CNNM1: variants seen among roughly 807,000 people sequenced by gnomAD.
CNNM1 encodes metal transporter CNNM1.
Under a neutral mutation model 78.8 loss-of-function variants are expected in CNNM1, and 44 were observed. That is an observed-to-expected ratio of 0.56 (90% CI 0.44 to 0.72). The LOEUF (loss-of-function observed/expected upper bound fraction) is 0.72, where lower values mean the gene tolerates loss of function less well. Among genes scored for constraint, CNNM1 ranks in the 30% least tolerant of loss-of-function variants. The probability of loss-of-function intolerance (pLI) is 0.00; values close to 1 mark genes in which losing one functional copy is unlikely to be tolerated. For missense variants in CNNM1, 1,101 were observed against 1,292.2 expected, an observed-to-expected ratio of 0.85 and a Z score of 2.27; for synonymous variants, 584 against 581.5, an observed-to-expected ratio of 1.00 and a Z score of -0.06.
At chr10:99,350,669 T>G (rs2030911095) in intron 1 of CNNM1, among the ~76,000 whole-genome samples, 1 of 152,182 alleles carries the variant, frequency 6.6e-6, no homozygotes, top group South Asian at 2.1e-4. Flanking sequence ...GGGGTATATG[T>G]GCAGGATGTG....
At chr10:99,359,161 A>T (rs1417314025) in intron 2 of CNNM1, among the ~76,000 whole-genome samples, 5 of 141,912 alleles carry the variant, frequency 3.5e-5, no homozygotes, top group Non-Finnish European at 6.2e-5. Flanking sequence ...CTTCCAACAC[A>T]CACTATTGAA....
intron 3 of CNNM1, 123 bp from the exon 4 acceptor site, chr10:99,362,104 G>C: frequency 1.1e-6 from 1 of 874,606 alleles, no homozygotes; most frequent in Non-Finnish European, 1.7e-6. Flanking sequence ...CTGCCAACCT[G>C]ATGCCCAGGT....
intron 5 of CNNM1, 95 bp downstream of exon 5, chr10:99,364,611 A>T: frequency 9.8e-7 from 1 of 1,015,576 alleles, no homozygotes; most frequent in Non-Finnish European, 1.5e-6. Context: ...GACTCTTGTT[A>T]ATCAGCCTGG....
intron 9 of CNNM1, 66 bp downstream of exon 9, chr10:99,388,367 C>T (rs1046805954): frequency 5.2e-6 from 8 of 1,547,468 alleles, no homozygotes; most frequent in Middle Eastern, 2.1e-4. Context: ...TGGGATGGCC[C>T]AGGGAAAGCT....
In CNNM1 at chr10:99,329,600, C is replaced by G; in HGVS notation, c.213C>G (p.Leu71=). 6.6e-7 allele frequency: 1 copy of G among 1,519,044 alleles called. No individual in the cohort carries two copies. The highest frequency in any genetic ancestry group is 8.8e-7 in the Non-Finnish European group (1 of 1,142,612). 94.1% of individuals were successfully genotyped at this position (1,519,044 alleles called of 1,614,324 possible). Reference sequence around the variant, plus strand: ...GCGCCGCCGAAGGCACCAGCTTCCTCCTGCGTGTCTATTTCCAGCCAGGAC... The same window carrying G: ...GCGCCGCCGAAGGCACCAGCTTCCTGCTGCGTGTCTATTTCCAGCCAGGAC... ...TLRAAEGTSF[L]LRVYFQPGPP... is the part of the protein sequence containing the mutation. The change falls in exon 1 of 11, where the codon CTC becomes CTG. Residue 71 remains leucine (L), a synonymous_variant. Coordinates refer to ENST00000356713, the MANE Select transcript of CNNM1 (RefSeq NM_020348.3).
chr10:99,331,027 C>T (rs1299021180), intron 1 of CNNM1, 67 bp downstream of exon 1: 16 of 1,464,528 alleles, frequency 1.1e-5, no homozygotes, highest in Non-Finnish European at 1.5e-5. Flanking sequence ...TTCCTAACCA[C>T]GTGAGGCTCT....
chr10:99,340,876 T>TCTTTCCTTCCTGCCTGCCTG (rs760325301), intron 1 of CNNM1, among the ~76,000 whole-genome samples: 1 of 138,156 alleles, frequency 7.2e-6, no homozygotes, highest in African/African-American at 3.0e-5. Flanking sequence ...CTTCCTTCCT[T>TCTTTCCTTCCTGCCTGCCTG]CCTGCCTGCC....
chr10:99,379,411 T>C lies in CNNM1; in HGVS notation c.2340+2193T>C, dbSNP rs144353355. Reference sequence around the variant, plus strand: ...GCAAGGAGACTGCTCTTGAAATGGTTATCAGACAGGCCGAGAAAGGACATT... The same window carrying C: ...GCAAGGAGACTGCTCTTGAAATGGTCATCAGACAGGCCGAGAAAGGACATT... On this transcript the variant is annotated intron_variant, in intron 7 of 10. Transcript: ENST00000356713. Among the ~76,000 whole-genome samples the C allele has an allele frequency of 3.2e-4, 49 of 152,292 alleles. 1 individual carries two copies. The highest frequency in any genetic ancestry group is 1.1e-3 in the African/African-American group (47 of 41,564).
At position 99,356,522 on chromosome 10, in the gene CNNM1, G is replaced by GAGAA. The variant is rs1379845702; in HGVS notation, c.1574-974_1574-971dup. Among the ~76,000 whole-genome samples the GAGAA allele has an allele frequency of 9.6e-3, 1,224 of 127,076 alleles. 37 individuals carry two copies. Among genetic ancestry groups the GAGAA allele is most frequent in the African/African-American group, 0.033 (1,070 of 32,108 alleles). 83.4% of individuals were successfully genotyped at this position (127,076 alleles called of 152,430 possible). A position where few individuals can be genotyped will look rare whatever the true frequency, so the allele number is the denominator to read the frequency against. ...AGAGAGAGAGAGAGAAAGAGAAAGA[G>GAGAA]AGAAAGAAAGAAAGAAAGACAGACA... On this transcript the variant is annotated intron_variant, in intron 1 of 10. Coordinates refer to ENST00000356713, the MANE Select transcript of CNNM1 (RefSeq NM_020348.3).
At chr10:99,344,945 C>T (rs1185206180) in intron 1 of CNNM1, among the ~76,000 whole-genome samples, 1 of 152,148 alleles carries the variant, frequency 6.6e-6, no homozygotes, top group Non-Finnish European at 1.5e-5. Context: ...AGCCTCCAGG[C>T]ATTTACAGAG....
intron 1 of CNNM1, among the ~76,000 whole-genome samples, chr10:99,356,522 G>A (rs11190069): frequency 0.017 from 2,113 of 126,928 alleles, 75 homozygotes; most frequent in African/African-American, 0.056. Context: ...AAGAGAAAGA[G>A]AGAAAGAAAG....
At chr10:99,364,317 C>A in intron 4 of CNNM1, 100 bp from the exon 5 acceptor site, 1 of 822,846 alleles carries the variant, frequency 1.2e-6, no homozygotes, top group Non-Finnish European at 1.9e-6. Flanking sequence ...TGGGTCTAGT[C>A]CACTTGTTAT....
chr10:99,375,406 G>A (rs1228465685), intron 6 of CNNM1, among the ~76,000 whole-genome samples: 1 of 152,212 alleles, frequency 6.6e-6, no homozygotes, highest in Admixed American at 6.5e-5. Flanking sequence ...AAGGCTGCAT[G>A]TGGGGCTGAG....
At chr10:99,376,555 C>A (rs569054873) in intron 6 of CNNM1, among the ~76,000 whole-genome samples, 48 of 152,260 alleles carry the variant, frequency 3.2e-4, no homozygotes, top group Admixed American at 5.9e-4. Flanking sequence ...AAACCCAAGG[C>A]CTTGGCCTTT....
At chr10:99,375,149 G>C (rs2031923856) in intron 6 of CNNM1, among the ~76,000 whole-genome samples, 1 of 152,168 alleles carries the variant, frequency 6.6e-6, no homozygotes, top group Non-Finnish European at 1.5e-5. Context: ...AGCAAGAGAG[G>C]GGAAAGGAGG....
intron 1 of CNNM1, among the ~76,000 whole-genome samples, chr10:99,347,796 C>T (rs959627637): frequency 6.6e-6 from 1 of 152,054 alleles, no homozygotes; most frequent in Non-Finnish European, 1.5e-5. Context: ...GTTACACTCC[C>T]AATGCATGAC....
In CNNM1 at chr10:99,393,440, GTA is replaced by G. The variant is rs1396524281; in HGVS notation, c.*1926_*1927del. 1.3e-5 allele frequency: 2 copies of G among 152,448 alleles called. No homozygotes were observed. The highest frequency in any genetic ancestry group is 4.8e-5 in the African/African-American group (2 of 41,426). The allele number at this position is 152,448 out of a possible 1,614,324, so 9.4% of individuals were successfully genotyped here. On this transcript the variant is annotated 3_prime_UTR_variant, in exon 11 of 11. Coordinates refer to ENST00000356713, the MANE Select transcript of CNNM1 (RefSeq NM_020348.3). ...GTCAGTATTTAATGTATTTATTCTTGTATGTTTTTTCCAGAGCATTAAAGCTT... is the reference window on the plus strand; with the variant it reads ...GTCAGTATTTAATGTATTTATTCTTGTGTTTTTTCCAGAGCATTAAAGCTT...
chr10:99,391,838 CTCT>C lies in CNNM1; in HGVS notation c.*327_*329del. The stretch of plus-strand genomic sequence containing the variant: ...CAATGCCACTCTGGGACCCCTGATG[CTCT>C]TCTTTGTTCTTTGGGTCCCCTGATG... On this transcript the variant is annotated 3_prime_UTR_variant, in exon 11 of 11. Coordinates refer to ENST00000356713, the MANE Select transcript of CNNM1 (RefSeq NM_020348.3). The C allele has an allele frequency of 3.8e-6, 1 of 266,018 alleles. No homozygotes were observed. The highest frequency in any genetic ancestry group is 7.2e-6 in the Non-Finnish European group (1 of 139,012). The allele number at this position is 266,018 out of a possible 1,614,324, so 16.5% of individuals were successfully genotyped here. A position where few individuals can be genotyped will look rare whatever the true frequency, so the allele number is the denominator to read the frequency against.
intron 1 of CNNM1, among the ~76,000 whole-genome samples, chr10:99,341,693 A>G (rs572406724): frequency 3.2e-4 from 48 of 152,294 alleles, no homozygotes; most frequent in Non-Finnish European, 5.4e-4. Context: ...GCAGAGAGGG[A>G]GCCGACACTG....
Sources: allele counts gnomAD v4.1 joint callset (sites outside exome capture counted in the v4.1 genomes callset), GRCh38; gene constraint gnomAD v4.1.1; transcripts MANE v1.5; gene names NCBI Gene and HGNC (gene_info 2026-07-23, HGNC 2026-07-21).